Variants in ESRRG observed in about 807,000 individuals in gnomAD.
ESRRG encodes the protein estrogen related receptor gamma.
In ESRRG, 13 loss-of-function variants were observed where a neutral mutation model predicts 44.0. That is an observed-to-expected ratio of 0.30 (90% CI 0.19 to 0.47). The LOEUF (loss-of-function observed/expected upper bound fraction) is 0.47. Among genes scored for constraint, ESRRG ranks in the 20% least tolerant of loss-of-function variants. ESRRG has a pLI of 1.00. For synonymous variants in ESRRG, 215 were observed against 214.6 expected (o/e 1.00, Z -0.02); for missense variants, 395 against 580.6 (o/e 0.68, Z 3.29).
At chr1:216,882,968 T>C (rs2096467196) in intron 2 of ESRRG, among the ~76,000 whole-genome samples, 1 of 151,968 alleles carries the variant, frequency 6.6e-6, no homozygotes, top group African/African-American at 2.4e-5. Context: ...AGCATAAGTC[T>C]ATATTGACCG....
intron 1 of ESRRG, among the ~76,000 whole-genome samples, chr1:217,119,116 C>T (rs1440265009): frequency 6.6e-6 from 1 of 152,088 alleles, no homozygotes; most frequent in Non-Finnish European, 1.5e-5. Context: ...TATCCAATTT[C>T]AGGAGTAGAA....
At chr1:217,072,712 T>G (rs971146128) in intron 1 of ESRRG, among the ~76,000 whole-genome samples, 10 of 151,576 alleles carry the variant, frequency 6.6e-5, no homozygotes, top group Admixed American at 1.3e-4. Context: ...GTGTGTGTGT[T>G]TTTTCTCCTA....
At chr1:217,058,248 C>T (rs148405225) in intron 1 of ESRRG, among the ~76,000 whole-genome samples, 1 of 151,908 alleles carries the variant, frequency 6.6e-6, no homozygotes, top group Non-Finnish European at 1.5e-5. Context: ...ACGCTTTAGG[C>T]TAGAAGAAAA....
At chr1:216,574,569 A>G (rs2061370268) in intron 3 of ESRRG, among the ~76,000 whole-genome samples, 1 of 152,156 alleles carries the variant, frequency 6.6e-6, no homozygotes, top group Non-Finnish European at 1.5e-5. Flanking sequence ...AGAATTACAC[A>G]AGGATACTCT....
chr1:216,787,286 C>A (rs1201662185), intron 2 of ESRRG, among the ~76,000 whole-genome samples: 1 of 151,816 alleles, frequency 6.6e-6, no homozygotes, highest in Non-Finnish European at 1.5e-5. Flanking sequence ...TGAGACACAA[C>A]AATATTGAAA....
chr1:216,674,159 C>T (rs2075687329), intron 2 of ESRRG, among the ~76,000 whole-genome samples: 1 of 152,192 alleles, frequency 6.6e-6, no homozygotes, highest in African/African-American at 2.4e-5. Flanking sequence ...GGAACAATGG[C>T]TGGTAAACAC....
At chr1:216,785,142 A>G (rs1027749169) in intron 2 of ESRRG, among the ~76,000 whole-genome samples, 1 of 152,078 alleles carries the variant, frequency 6.6e-6, no homozygotes, top group African/African-American at 2.4e-5. Context: ...GAATTTAAAA[A>G]TCTTTAGTGA....
intron 1 of ESRRG, among the ~76,000 whole-genome samples, chr1:217,101,376 C>G (rs1180737795): frequency 6.6e-6 from 1 of 152,210 alleles, no homozygotes; most frequent in Admixed American, 6.5e-5. Flanking sequence ...GCACAGTGAT[C>G]ATAGCTTTCA....
At chr1:216,596,107 C>T (rs758792813) in intron 3 of ESRRG, among the ~76,000 whole-genome samples, 3 of 152,146 alleles carry the variant, frequency 2.0e-5, no homozygotes, top group South Asian at 2.1e-4. Flanking sequence ...CTGAGAAAGT[C>T]GAATGAGGAA....
chr1:216,581,723 C>T (rs1365311713), intron 3 of ESRRG, among the ~76,000 whole-genome samples: 1 of 152,298 alleles, frequency 6.6e-6, no homozygotes, highest in Non-Finnish European at 1.5e-5. Context: ...ACAGCCACTG[C>T]TCAGTGCCAG....
intron 3 of ESRRG, among the ~76,000 whole-genome samples, chr1:216,590,860 C>T (rs1389179793): frequency 6.6e-6 from 1 of 152,104 alleles, no homozygotes; most frequent in Non-Finnish European, 1.5e-5. Flanking sequence ...TTTCTATCTC[C>T]TAAAGCTTAC....
chr1:216,551,585 G>A (rs1476200904), intron 5 of ESRRG, among the ~76,000 whole-genome samples: 2 of 152,134 alleles, frequency 1.3e-5, no homozygotes, highest in East Asian at 3.9e-4. Flanking sequence ...ACACAGACGT[G>A]TTAAAACCCT....
chr1:216,547,730 C>G, intron 5 of ESRRG, among the ~76,000 whole-genome samples: 1 of 152,058 alleles, frequency 6.6e-6, no homozygotes, highest in East Asian at 1.9e-4. Context: ...AGCAGGAGTA[C>G]ACCAATAACG....
intron 1 of ESRRG, among the ~76,000 whole-genome samples, chr1:217,063,786 A>G (rs1476537985): frequency 6.6e-6 from 1 of 152,156 alleles, no homozygotes; most frequent in East Asian, 1.9e-4. Context: ...CCCTCTAGAG[A>G]GTCTTACTCA....
chr1:216,790,511 G>A (rs972013576), intron 2 of ESRRG, among the ~76,000 whole-genome samples: 1 of 152,146 alleles, frequency 6.6e-6, no homozygotes, highest in Admixed American at 6.6e-5. Flanking sequence ...GATGACTAAA[G>A]AGAAGAACTT....
At chr1:216,536,908 C>T (rs917832532) in intron 5 of ESRRG, among the ~76,000 whole-genome samples, 11 of 151,862 alleles carry the variant, frequency 7.2e-5, no homozygotes, top group African/African-American at 2.7e-4. Flanking sequence ...GAATACAAAA[C>T]TATGAGGGAA....
rs546756723 is a variant in ESRRG, at chr1:216,634,509, T to C, written c.589+16464A>G. The stretch of plus-strand genomic sequence containing the variant: ...TGCCTCCAGACTTTACAATTCTCCC[T>C]AGAGAAAAAACTCAAACAATTTGAA... On this transcript the variant is annotated intron_variant, in intron 3 of 6. Transcript: ENST00000408911. Among the ~76,000 whole-genome samples the C allele has an allele frequency of 3.3e-5, 5 of 152,282 alleles. No homozygotes were observed. In the East Asian group the frequency reaches 5.8e-4, roughly 18 times the overall value.
chr1:216,923,869 C>T (rs549103841), intron 2 of ESRRG, among the ~76,000 whole-genome samples: 11 of 152,318 alleles, frequency 7.2e-5, no homozygotes, highest in African/African-American at 2.6e-4. Context: ...GAAAGATGCT[C>T]ACGGCAGTGA....
intron 1 of ESRRG, among the ~76,000 whole-genome samples, chr1:217,117,218 A>G (rs565874026): frequency 2.3e-4 from 35 of 152,334 alleles, no homozygotes; most frequent in Middle Eastern, 6.8e-3. Context: ...TATATGTAAG[A>G]TGAAGATAAC....
Sources: allele counts gnomAD v4.1 joint callset (sites outside exome capture counted in the v4.1 genomes callset), GRCh38; gene constraint gnomAD v4.1.1; transcripts MANE v1.5; gene names NCBI Gene and HGNC (gene_info 2026-07-23, HGNC 2026-07-21).